The following SHROOM2 variants were observed in gnomAD, a reference collection of about 807,000 sequenced individuals.
SHROOM2 encodes protein Shroom2.
SHROOM2 carries 33 observed loss-of-function variants against 75.9 expected under a neutral mutation model. The ratio of observed to expected loss-of-function variants is 0.43; its 90% confidence interval spans 0.33 to 0.58. The LOEUF (loss-of-function observed/expected upper bound fraction) is 0.58. SHROOM2 is among the 20% of genes least tolerant of loss of function. SHROOM2 has a pLI of 0.04. For synonymous variants in SHROOM2, 655 were observed against 663.6 expected (o/e 0.99, Z 0.20); for missense variants, 1,434 against 1,461.2 (o/e 0.98, Z 0.30).
intron 2 of SHROOM2, among the ~76,000 whole-genome samples, chrX:9,882,632 A>G (rs771260077): frequency 9.0e-6 from 1 of 111,613 alleles, no homozygotes; most frequent in East Asian, 2.8e-4. Flanking sequence ...CTTCTGTGGC[A>G]TTCCTCTGCA....
chrX:9,944,061 A>G (rs1047845368), intron 8 of SHROOM2, among the ~76,000 whole-genome samples: 17 of 111,116 alleles, frequency 1.5e-4, no homozygotes, highest in African/African-American at 5.2e-4. Context: ...GCACGCCTGT[A>G]ATCCCAGCTA....
chrX:9,892,416 A>G (rs1248703634), intron 3 of SHROOM2, among the ~76,000 whole-genome samples: 3 of 110,984 alleles, frequency 2.7e-5, no homozygotes, highest in Middle Eastern at 4.6e-3. Flanking sequence ...GGGAAAAAAA[A>G]AACACAAAAA....
chrX:9,873,908 T>C (rs1012072677), intron 2 of SHROOM2, 105 bp downstream of exon 2: 13 of 861,373 alleles, frequency 1.5e-5, no homozygotes, highest in Admixed American at 5.7e-5. Flanking sequence ...GAGATCTCGA[T>C]TGGGACATGC....
At chrX:9,826,574 G>A (rs1202244322) in intron 1 of SHROOM2, among the ~76,000 whole-genome samples, 2 of 110,436 alleles carry the variant, frequency 1.8e-5, no homozygotes, top group African/African-American at 6.6e-5. Context: ...GGGTTCAAGA[G>A]CAGTCTGGGC....
Position 9,818,797 on chromosome X carries a change from A to T in SHROOM2, c.165+32087A>T, listed in dbSNP as rs947496426. 6.2e-6 allele frequency: 3 copies of T among 482,701 alleles called. No individual in the cohort carries two copies. The African/African-American group carries it at 7.2e-5, about 12-fold the overall frequency. 39.8% of individuals were successfully genotyped at this position (482,701 alleles called of 1,213,427 possible). On this transcript the variant is annotated intron_variant, in intron 1 of 9. Transcript: ENST00000380913. ...CTTTTTCTTCACAAAATCAAACAGGATGTTGGCCCGCTCCTCAACTGTTTT... is the reference window on the plus strand; with the variant it reads ...CTTTTTCTTCACAAAATCAAACAGGTTGTTGGCCCGCTCCTCAACTGTTTT...
At chrX:9,908,924 G>A (rs2084405637) in intron 5 of SHROOM2, among the ~76,000 whole-genome samples, 1 of 88,675 alleles carries the variant, frequency 1.1e-5, no homozygotes, top group African/African-American at 3.7e-5. Context: ...CAGCCTGGGT[G>A]ACAGTGAGAC....
At chrX:9,836,429 C>T (rs1031919476) in intron 1 of SHROOM2, among the ~76,000 whole-genome samples, 16 of 110,084 alleles carry the variant, frequency 1.5e-4, no homozygotes, top group Non-Finnish European at 1.7e-4. Flanking sequence ...TGTGTGCCCT[C>T]GCTTCTCTCC....
In SHROOM2 at chrX:9,896,657, G is replaced by T; in HGVS notation, c.2749G>T (p.Gly917Trp). The T allele has an allele frequency of 8.3e-7, 1 of 1,200,377 alleles. No individual in the cohort carries two copies. ...ACAGGAGAGGCCGCAGCACGTTCAT[G>T]GGAGGTCCCGGTCTTCACCGTCCAC... Reference protein sequence around the residue: ...DPQERPQHVHGRSRSSPSTDH... With the variant: ...DPQERPQHVHWRSRSSPSTDH... Residue 917 changes from glycine (G) to tryptophan (W), a missense_variant, in exon 4 of 10, where the codon GGG becomes TGG. Physicochemically the swap from Gly to Trp is radical, Grantham distance 184. Transcript: ENST00000380913.
chrX:9,804,779 T>G (rs1384346769), intron 1 of SHROOM2, among the ~76,000 whole-genome samples: 1 of 111,369 alleles, frequency 9.0e-6, no homozygotes, highest in Non-Finnish European at 1.9e-5. Flanking sequence ...CACTGCCCAG[T>G]CTGGAGCCCT....
At chrX:9,833,563 G>GT (rs200901450) in intron 1 of SHROOM2, among the ~76,000 whole-genome samples, 1,557 of 109,924 alleles carry the variant, frequency 0.014, 22 homozygotes, top group African/African-American at 0.049. Context: ...AGGACATTGA[G>GT]CGCTGAAGGA....
chrX:9,901,181 C>G (rs1294626409), intron 5 of SHROOM2, among the ~76,000 whole-genome samples: 1 of 111,175 alleles, frequency 9.0e-6, no homozygotes, highest in Non-Finnish European at 1.9e-5. Context: ...TGTATCATTT[C>G]TTCTTATAAG....
chrX:9,847,588 A>G (rs1360902794), intron 1 of SHROOM2, among the ~76,000 whole-genome samples: 1 of 112,320 alleles, frequency 8.9e-6, no homozygotes, highest in East Asian at 2.8e-4. Context: ...TTTTATTGGG[A>G]GAATAGCTTG....
At chrX:9,911,851 G>T (rs956213798) in intron 5 of SHROOM2, among the ~76,000 whole-genome samples, 15 of 110,874 alleles carry the variant, frequency 1.4e-4, no homozygotes, top group African/African-American at 4.6e-4. Context: ...TTGTGGAGTT[G>T]AACTGTGTGT....
Position 9,787,508 on chromosome X carries a change from G to T in SHROOM2, c.165+798G>T, listed in dbSNP as rs146469016. Among the ~76,000 whole-genome samples, 761 of 112,542 alleles carry T rather than the reference G, an allele frequency of 6.8e-3. 8 individuals are homozygous for T. Among genetic ancestry groups the T allele is most frequent in the African/African-American group, 0.023 (711 of 31,037 alleles). ...AAAGTGTGTAGTGGTCATTTTCTCT[G>T]GGAAGGGTTGAGTCGGACCTTTCGT... On this transcript the variant is annotated intron_variant, in intron 1 of 9. Transcript: ENST00000380913.
rs1438795163 is a variant in SHROOM2, at chrX:9,937,529, A to G, written c.3983A>G (p.Lys1328Arg). 2.5e-6 allele frequency: 3 copies of G among 1,211,846 alleles called. No individual in the cohort carries two copies. In the South Asian group the frequency reaches 5.3e-5, roughly 21 times the overall value. ...GCCAGGGAGATCGTGGGGAAGGATA[A>G]GTCCCTGGCCGACATCCTGGATCCC... is the stretch of plus-strand genomic sequence containing the variant. ...ELAREIVGKD[K>R]SLADILDPSV... is the part of the protein sequence containing the mutation. The change falls in exon 7 of 10, where the codon AAG (lysine) becomes AGG (arginine). Residue 1328 changes from lysine (K) to arginine (R), a missense_variant. Coordinates refer to ENST00000380913, the MANE Select transcript of SHROOM2 (RefSeq NM_001649.4).
rs1295438504 is a variant in SHROOM2 at position 9,894,852 on chromosome X, C to G, written c.944C>G (p.Pro315Arg). 3 of 1,209,991 alleles carry G rather than the reference C, an allele frequency of 2.5e-6. No homozygotes were observed. In the African/African-American group the frequency reaches 5.2e-5, roughly 21 times the overall value. ...AAGAAGAAAGCACCATCATCCCCACCTCCTCCCCCTCCCCCTCTCCGCAGT... is the reference window on the plus strand; with the variant it reads ...AAGAAGAAAGCACCATCATCCCCACGTCCTCCCCCTCCCCCTCTCCGCAGT... ...PDKKKAPSSP[P>R]PPPPPLRSDS... The change falls in exon 4 of 10, where the codon CCT (proline) becomes CGT (arginine). Residue 315 changes from proline to arginine, a missense_variant. Physicochemically the swap from Pro to Arg is moderately radical, Grantham distance 103. Coordinates refer to ENST00000380913, the MANE Select transcript of SHROOM2 (RefSeq NM_001649.4).
In SHROOM2 at chrX:9,896,638, G is replaced by A. The variant is rs2084334097; in HGVS notation, c.2730G>A (p.Glu910=). The change falls in exon 4 of 10, where the codon GAG becomes GAA. Residue 910 remains glutamate (E), a synonymous_variant. Transcript: ENST00000380913. ...DILDVSLDPQ[E]RPQHVHGRSR... ...TGGATGTGAGCCTGGACCCACAGGAGAGGCCGCAGCACGTTCATGGGAGGT... is the reference window on the plus strand; with the variant it reads ...TGGATGTGAGCCTGGACCCACAGGAAAGGCCGCAGCACGTTCATGGGAGGT... 2 of 1,207,163 alleles carry A rather than the reference G, an allele frequency of 1.7e-6. No homozygotes were observed. Among genetic ancestry groups the A allele is most frequent in the East Asian group, 5.9e-5 (2 of 33,696 alleles).
intron 1 of SHROOM2, chrX:9,818,936 C>A: frequency 1.8e-6 from 1 of 565,300 alleles, no homozygotes; most frequent in Non-Finnish European, 3.2e-6. Flanking sequence ...TCTTCTTCCA[C>A]TGTATGTGGA....
At chrX:9,885,979 G>A (rs959844806) in intron 2 of SHROOM2, among the ~76,000 whole-genome samples, 3 of 108,265 alleles carry the variant, frequency 2.8e-5, no homozygotes, top group African/African-American at 6.7e-5. Flanking sequence ...GCCACAATTC[G>A]TATAAGAACT....
Sources: allele counts gnomAD v4.1 joint callset (sites outside exome capture counted in the v4.1 genomes callset), GRCh38; gene constraint gnomAD v4.1.1; transcripts MANE v1.5; gene names NCBI Gene and HGNC (gene_info 2026-07-23, HGNC 2026-07-21).